Variants in CLEC16A observed in about 807,000 individuals in gnomAD.
The protein encoded by CLEC16A is C-type lectin domain containing 16A.
A neutral mutation model predicts 109.5 loss-of-function variants in CLEC16A; 51 were observed. The ratio of observed to expected loss-of-function variants is 0.47; its 90% CI spans 0.37 to 0.59. The LOEUF (loss-of-function observed/expected upper bound fraction) is 0.59. Among genes scored for constraint, CLEC16A ranks in the 20% least tolerant of loss-of-function variants. The pLI, the probability that CLEC16A is intolerant of heterozygous loss-of-function variation, is 0.00. For missense variants in CLEC16A, 1,339 were observed against 1,394.0 expected (o/e 0.96, Z 0.63); for synonymous variants, 673 against 564.2 (o/e 1.19, Z -2.73).
chr16:11,158,113 G>C (rs1401628573), intron 22 of CLEC16A, among the ~76,000 whole-genome samples: 1 of 152,294 alleles, frequency 6.6e-6, no homozygotes, highest in East Asian at 1.9e-4. Flanking sequence ...GGAAGGAGCC[G>C]ACAAGGGGAG....
chr16:11,162,417 A>G (rs533960030), intron 22 of CLEC16A, among the ~76,000 whole-genome samples: 2 of 152,202 alleles, frequency 1.3e-5, no homozygotes, highest in South Asian at 4.1e-4. Flanking sequence ...TGTTCCCTCC[A>G]TCATCCTCCC....
chr16:11,032,514 C>G (rs2046802599), intron 13 of CLEC16A, among the ~76,000 whole-genome samples: 1 of 152,208 alleles, frequency 6.6e-6, no homozygotes, highest in South Asian at 2.1e-4. Context: ...TCAAACAAGC[C>G]CAGATGAGTC....
rs1489139015 is a variant in CLEC16A at position 11,112,864 on chromosome 16, T to C, written c.2117-7751T>C. Among the ~76,000 whole-genome samples the C allele has an allele frequency of 2.0e-5, 3 of 152,198 alleles. No homozygotes were observed. In the East Asian group the frequency reaches 5.8e-4, roughly 29 times the overall value. On this transcript the variant is annotated intron_variant, in intron 19 of 23. Transcript: ENST00000409790. ...CATCTGCCATCCTACCTTTTGCCTG[T>C]GGGGCCTGGTTCCTCCCCAGAATGG...
chr16:10,953,900 C>G (rs567555699), intron 1 of CLEC16A, among the ~76,000 whole-genome samples: 1 of 151,892 alleles, frequency 6.6e-6, no homozygotes, highest in African/African-American at 2.4e-5. Context: ...TGGCGTGAAC[C>G]CAGGAGGCAG....
chr16:11,060,800 C>T, intron 18 of CLEC16A, 102 bp from the exon 19 acceptor site: 1 of 1,231,418 alleles, frequency 8.1e-7, no homozygotes. Flanking sequence ...GCGTTTCTTT[C>T]TTTTTTAATA....
rs2068837918 is a variant in CLEC16A, at chr16:11,178,279, T to C, written c.2807-56T>C. ...TTCAGGATGGGAGCACAGGGCGCAGTGCGACGGGGTGTCTCAAGGGCTCAG... is the reference window on the plus strand; with the variant it reads ...TTCAGGATGGGAGCACAGGGCGCAGCGCGACGGGGTGTCTCAAGGGCTCAG... On this transcript the variant is annotated intron_variant, in intron 23 of 23. Transcript: ENST00000409790. The surrounding 1 kb of genome is among the most constrained non-coding windows in gnomAD (Gnocchi z 6.5). The C allele has an allele frequency of 1.3e-6, 2 of 1,482,542 alleles. No homozygotes were observed. Among genetic ancestry groups the C allele is most frequent in the Non-Finnish European group, 1.9e-6 (2 of 1,079,518 alleles). 91.8% of individuals were successfully genotyped at this position (1,482,542 alleles called of 1,614,324 possible). A position where few individuals can be genotyped will look rare whatever the true frequency, so the allele number is the denominator to read the frequency against.
At chr16:11,160,369 CTG>C (rs1358221861) in intron 22 of CLEC16A, among the ~76,000 whole-genome samples, 1 of 152,170 alleles carries the variant, frequency 6.6e-6, no homozygotes, top group Non-Finnish European at 1.5e-5. Flanking sequence ...TGTGTAATCT[CTG>C]TGACCAGGTG....
intron 11 of CLEC16A, among the ~76,000 whole-genome samples, chr16:11,004,209 A>T (rs920055204): frequency 6.6e-6 from 1 of 152,008 alleles, no homozygotes; most frequent in Non-Finnish European, 1.5e-5. Context: ...CTTGAATTGG[A>T]GATCATTTAC....
intron 22 of CLEC16A, among the ~76,000 whole-genome samples, chr16:11,138,847 A>G (rs1451296787): frequency 6.6e-6 from 1 of 152,126 alleles, no homozygotes; most frequent in Non-Finnish European, 1.5e-5. Flanking sequence ...ATGGATGTTT[A>G]GGTGGTGGCC....
chr16:11,134,735 T>G lies in CLEC16A; in HGVS notation c.2641+8589T>G, dbSNP rs555181785. On this transcript the variant is annotated intron_variant, in intron 22 of 23. Transcript: ENST00000409790. ...ACTCAAAAAGTTTTGGATTTTGGAT[T>G]TTCAGATTTGGATTGCTCAACCTGC... Among the ~76,000 whole-genome samples, 4 of 152,340 alleles carry G rather than the reference T, an allele frequency of 2.6e-5. No homozygotes were observed. The East Asian group carries it at 7.7e-4, about 29-fold the overall frequency.
chr16:10,978,191 A>C (rs893474638), intron 8 of CLEC16A, among the ~76,000 whole-genome samples: 2 of 152,188 alleles, frequency 1.3e-5, no homozygotes, highest in East Asian at 1.9e-4. Flanking sequence ...ACGGCTGGTA[A>C]CATGCAGGGC....
At chr16:11,032,773 C>G (rs1401939959) in intron 13 of CLEC16A, among the ~76,000 whole-genome samples, 1 of 151,978 alleles carries the variant, frequency 6.6e-6, no homozygotes, top group African/African-American at 2.4e-5. Flanking sequence ...ACAGAGGCCC[C>G]GGGGTGGGAA....
At chr16:10,944,886 A>C in intron 1 of CLEC16A, 89 bp downstream of exon 1, 1 of 1,317,442 alleles carries the variant, frequency 7.6e-7, no homozygotes, top group Non-Finnish European at 1.1e-6. Context: ...GAGGCGTGAG[A>C]GCGGCGGCGA....
At chr16:11,069,694 A>G (rs1230303813) in intron 19 of CLEC16A, among the ~76,000 whole-genome samples, 1 of 151,910 alleles carries the variant, frequency 6.6e-6, no homozygotes, top group African/African-American at 2.4e-5. Context: ...CTCCCGCCTC[A>G]GCTTCCCAAA....
At chr16:10,996,729 G>T (rs2044351842) in intron 10 of CLEC16A, among the ~76,000 whole-genome samples, 1 of 152,128 alleles carries the variant, frequency 6.6e-6, no homozygotes, top group Admixed American at 6.6e-5. Context: ...GGATTCACCT[G>T]TCTGGGGTGG....
intron 22 of CLEC16A, among the ~76,000 whole-genome samples, chr16:11,165,787 C>A (rs904395785): frequency 6.6e-6 from 1 of 152,136 alleles, no homozygotes; most frequent in African/African-American, 2.4e-5. Flanking sequence ...ACCTCCAGGT[C>A]CCGGAGATGC....
At chr16:11,118,952 T>C (rs995729256) in intron 19 of CLEC16A, among the ~76,000 whole-genome samples, 1 of 152,196 alleles carries the variant, frequency 6.6e-6, no homozygotes, top group African/African-American at 2.4e-5. Context: ...ACTGTAAATA[T>C]GTGGCTTTAT....
intron 23 of CLEC16A, among the ~76,000 whole-genome samples, chr16:11,170,243 G>A (rs553879655): frequency 3.9e-4 from 59 of 152,264 alleles, no homozygotes; most frequent in African/African-American, 1.3e-3. Context: ...GGCCCCACTC[G>A]TGAAGGCCTG....
At chr16:11,042,873 AAAT>A (rs958067556) in intron 15 of CLEC16A, among the ~76,000 whole-genome samples, 75 of 150,260 alleles carry the variant, frequency 5.0e-4, no homozygotes, top group African/African-American at 1.8e-3. Context: ...TTATATATGT[AAAT>A]AATATATTTA....
Sources: gnomAD v4.1 joint callset for allele counts (sites outside exome capture counted in the v4.1 genomes callset) on GRCh38, gnomAD v4.1.1 for gene constraint, Gnocchi (gnomAD v3.1) non-coding constraint, MANE v1.5 for transcripts, NCBI Gene and HGNC (gene_info 2026-07-23, HGNC 2026-07-21) for gene names.